The following GLIS3 variants were observed in gnomAD, a reference collection of about 807,000 sequenced individuals.
GLIS3 encodes the protein zinc finger protein GLIS3.
In GLIS3, 53 loss-of-function variants were observed where a neutral mutation model predicts 78.6. That is an observed-to-expected ratio of 0.67 (90% CI 0.54 to 0.85). The LOEUF is 0.85. Ranked by LOEUF, GLIS3 falls within the 40% of genes least tolerant of loss-of-function variation. GLIS3 has a pLI of 0.00. For synonymous variants in GLIS3, 684 were observed against 509.9 expected, an observed-to-expected ratio of 1.34 and a Z score of -4.60; for missense variants, 1,703 against 1,231.1, an observed-to-expected ratio of 1.38 and a Z score of -5.74.
At chr9:4,217,881 G>C (rs1343164094) in intron 2 of GLIS3, among the ~76,000 whole-genome samples, 1 of 152,194 alleles carries the variant, frequency 6.6e-6, no homozygotes, top group Non-Finnish European at 1.5e-5. Flanking sequence ...ACAACCAACA[G>C]ACAATAATGG....
intron 2 of GLIS3, among the ~76,000 whole-genome samples, chr9:4,270,475 C>G (rs1182561478): frequency 1.3e-5 from 2 of 152,176 alleles, no homozygotes; most frequent in Non-Finnish European, 2.9e-5. Context: ...AGAGCCCCAT[C>G]TGAAGGCTCA....
chr9:4,025,598 G>C (rs1206106346), intron 4 of GLIS3, among the ~76,000 whole-genome samples: 1 of 152,148 alleles, frequency 6.6e-6, no homozygotes, highest in Non-Finnish European at 1.5e-5. Flanking sequence ...ATGTTTGCCA[G>C]GAGGGTCTGC....
chr9:4,414,624 G>A, the GLIS3 span, among the ~76,000 whole-genome samples: 1 of 151,938 alleles, frequency 6.6e-6, no homozygotes, highest in Non-Finnish European at 1.5e-5. Flanking sequence ...GAACTTTTTT[G>A]GGTAACAAGG....
intron 2 of GLIS3, among the ~76,000 whole-genome samples, chr9:4,313,151 G>A (rs1285595804): frequency 6.6e-6 from 1 of 152,166 alleles, no homozygotes; most frequent in Admixed American, 6.5e-5. Flanking sequence ...AACATGGGAG[G>A]TGGAGGTTGG....
At chr9:4,470,439 G>C in the GLIS3 span, among the ~76,000 whole-genome samples, 3 of 152,168 alleles carry the variant, frequency 2.0e-5, no homozygotes, top group African/African-American at 4.8e-5. Context: ...AGGATGCAAG[G>C]CTAGTTCAAC....
upstream of GLIS3, among the ~76,000 whole-genome samples, chr9:4,351,676 A>T (rs185571136): frequency 9.7e-3 from 1,483 of 152,158 alleles, 24 homozygotes; most frequent in African/African-American, 0.032. Context: ...TCATTTTTTT[A>T]AAAAAATGTT....
chr9:4,484,697 G>T, the GLIS3 span, among the ~76,000 whole-genome samples: 1 of 152,034 alleles, frequency 6.6e-6, no homozygotes, highest in African/African-American at 2.4e-5. Context: ...GATTATAGGC[G>T]TGAGCCACTG....
chr9:4,387,756 G>C, the GLIS3 span, among the ~76,000 whole-genome samples: 1 of 152,076 alleles, frequency 6.6e-6, no homozygotes, highest in African/African-American at 2.4e-5. Context: ...TTTCCCCATA[G>C]GCCAAAATTG....
chr9:3,879,089 G>A (rs754693003), intron 8 of GLIS3, among the ~76,000 whole-genome samples: 16 of 152,024 alleles, frequency 1.1e-4, no homozygotes, highest in Non-Finnish European at 2.1e-4. Flanking sequence ...ATCTGACATC[G>A]GGAAGTGCTT....
chr9:4,010,377 T>C (rs1157838909), intron 4 of GLIS3, among the ~76,000 whole-genome samples: 1 of 152,176 alleles, frequency 6.6e-6, no homozygotes, highest in Non-Finnish European at 1.5e-5. Context: ...ATTTATTTCC[T>C]ACAGGCAAAG....
intron 5 of GLIS3, among the ~76,000 whole-genome samples, chr9:3,934,140 C>G (rs191764948): frequency 6.6e-6 from 1 of 152,130 alleles, no homozygotes; most frequent in Non-Finnish European, 1.5e-5. Context: ...TAGTTTCTAC[C>G]GAGTAAGCAA....
chr9:3,895,311 G>C (rs116773578), intron 7 of GLIS3, among the ~76,000 whole-genome samples: 91 of 152,306 alleles, frequency 6.0e-4, no homozygotes, highest in African/African-American at 2.0e-3. Flanking sequence ...ATTATTATAT[G>C]GAACACAGAA....
chr9:3,880,262 A>T, intron 7 of GLIS3, among the ~76,000 whole-genome samples: 1 of 152,208 alleles, frequency 6.6e-6, no homozygotes, highest in East Asian at 1.9e-4. Flanking sequence ...GCCCGTTATG[A>T]CACAGAGAGT....
intron 8 of GLIS3, among the ~76,000 whole-genome samples, chr9:3,877,734 A>C (rs1490536130): frequency 6.6e-6 from 1 of 152,156 alleles, no homozygotes; most frequent in African/African-American, 2.4e-5. Flanking sequence ...CTCTTGAATA[A>C]ATTCTCCATC....
intron 2 of GLIS3, among the ~76,000 whole-genome samples, chr9:4,219,044 A>G (rs954851244): frequency 2.0e-5 from 3 of 152,260 alleles, no homozygotes; most frequent in African/African-American, 7.2e-5. Context: ...TAAGAGCCCA[A>G]TGAATAAATG....
At chr9:4,263,371 T>C (rs189428384) in intron 2 of GLIS3, among the ~76,000 whole-genome samples, 2 of 152,292 alleles carry the variant, frequency 1.3e-5, no homozygotes, top group East Asian at 3.9e-4. Context: ...TTAATTGACA[T>C]GTGAGATAAA....
chr9:4,353,993 A>ATTTTTTT, the GLIS3 span, among the ~76,000 whole-genome samples: 20 of 135,746 alleles, frequency 1.5e-4, no homozygotes, highest in East Asian at 6.4e-4. Context: ...ACACCCGGCT[A>ATTTTTTT]TTTTTTTTTT....
At chr9:4,481,110 C>T in the GLIS3 span, among the ~76,000 whole-genome samples, 1 of 151,922 alleles carries the variant, frequency 6.6e-6, no homozygotes, top group South Asian at 2.1e-4. Flanking sequence ...CCCAAGTGGG[C>T]CTCCCAAAGT....
intron 7 of GLIS3, among the ~76,000 whole-genome samples, chr9:3,895,260 T>TATC (rs1822746204): frequency 6.6e-6 from 1 of 152,246 alleles, no homozygotes; most frequent in Non-Finnish European, 1.5e-5. Flanking sequence ...CCTCTTAGAC[T>TATC]ATCAGATAAA....
Sources: gnomAD v4.1 joint callset for allele counts (sites outside exome capture counted in the v4.1 genomes callset) on GRCh38, gnomAD v4.1.1 for gene constraint, MANE v1.5 for transcripts, NCBI Gene and HGNC (gene_info 2026-07-23, HGNC 2026-07-21) for gene names.